Variants in VPS35L observed in about 807,000 individuals in gnomAD.
VPS35L encodes VPS35 endosomal protein sorting factor like.
In VPS35L, 83 loss-of-function variants were observed where a neutral mutation model predicts 133.0. The observed-to-expected ratio is 0.62, with a 90% CI of 0.52 to 0.75. VPS35L has a LOEUF of 0.75. VPS35L is among the 30% of genes least tolerant of loss of function. The probability of loss-of-function intolerance (pLI) is 0.00; values close to 1 mark genes in which losing one functional copy is unlikely to be tolerated. For synonymous variants in VPS35L, 423 were observed against 449.9 expected (o/e 0.94, Z 0.76); for missense variants, 1,083 against 1,206.8 (o/e 0.90, Z 1.52).
chr16:19,670,450 A>G (rs932488098), intron 27 of VPS35L, among the ~76,000 whole-genome samples: 6 of 152,196 alleles, frequency 3.9e-5, no homozygotes, highest in African/African-American at 1.2e-4. Flanking sequence ...TTCCTTGTCT[A>G]TAAAATGAGG....
intron 3 of VPS35L, among the ~76,000 whole-genome samples, chr16:19,570,870 TATATATATATATATATATA>T (rs1567388649): frequency 4.5e-4 from 38 of 85,370 alleles, no homozygotes; most frequent in African/African-American, 1.2e-3. Flanking sequence ...TATATATATA[TATATATATATATATATATA>T]TTTTTGAGAT....
chr16:19,648,974 G>T (rs1974041567), intron 24 of VPS35L, among the ~76,000 whole-genome samples: 1 of 150,170 alleles, frequency 6.7e-6, no homozygotes, highest in East Asian at 2.0e-4. Flanking sequence ...TAAATTGAAA[G>T]AAAAATAATA....
At position 19,597,459 on chromosome 16, in the gene VPS35L, A is replaced by G. The variant is rs139816100; in HGVS notation, c.725-4205A>G. On this transcript the variant is annotated intron_variant, in intron 8 of 30. Transcript: ENST00000417362. ...TAAGGAGACATTAAAATGATAGCCA[A>G]GAAACCGATAGAAATGGTTTCTCTC... is the stretch of plus-strand genomic sequence containing the variant. 5.0e-3 allele frequency among the ~76,000 whole-genome samples: 758 copies of G among 152,282 alleles called. 2 individuals are homozygous for G. The highest frequency in any genetic ancestry group is 0.017 in the African/African-American group (720 of 41,562).
intron 1 of VPS35L, among the ~76,000 whole-genome samples, chr16:19,560,846 A>T (rs1459398401): frequency 1.3e-5 from 2 of 151,424 alleles, no homozygotes; most frequent in Non-Finnish European, 1.5e-5. Flanking sequence ...GATGTTTTAA[A>T]CTCCATCTTG....
chr16:19,671,763 C>T (rs1361459204), intron 27 of VPS35L, among the ~76,000 whole-genome samples: 4 of 152,070 alleles, frequency 2.6e-5, no homozygotes, highest in Admixed American at 1.3e-4. Flanking sequence ...GGCAACAGAG[C>T]AAGACTCCAT....
Position 19,610,376 on chromosome 16 carries a change from C to A in VPS35L, c.984C>A (p.Asp328Glu). ...RLTCMIRGIG[D>E]PLVSVYARAY... ...CATGCATGATCAGAGGGATCGGAGA[C>A]CCACTAGTGTCGGTGTATGCCCGTG... is the stretch of plus-strand genomic sequence containing the variant. Residue 328 changes from aspartate (D) to glutamate (E), a missense_variant, in exon 12 of 31, where the codon GAC (aspartate) becomes GAA (glutamate). By Grantham distance (45) the Asp-to-Glu change is conservative. Transcript: ENST00000417362. 1.2e-6 allele frequency: 2 copies of A among 1,614,088 alleles called. No individual in the cohort carries two copies. The highest frequency in any genetic ancestry group is 1.7e-6 in the Non-Finnish European group (2 of 1,180,008).
intron 8 of VPS35L, among the ~76,000 whole-genome samples, chr16:19,599,024 C>A (rs1159444322): frequency 6.6e-6 from 1 of 151,512 alleles, no homozygotes; most frequent in Non-Finnish European, 1.5e-5. Context: ...ACAAGGGAGG[C>A]CTCTCTCTAC....
intron 2 of VPS35L, among the ~76,000 whole-genome samples, chr16:19,566,464 C>T (rs1971193615): frequency 6.6e-6 from 1 of 152,138 alleles, no homozygotes; most frequent in East Asian, 1.9e-4. Context: ...CCACTGCCCT[C>T]CATCCTGGGC....
At chr16:19,571,402 AG>A (rs1480509290) in intron 3 of VPS35L, among the ~76,000 whole-genome samples, 1 of 151,908 alleles carries the variant, frequency 6.6e-6, no homozygotes, top group Non-Finnish European at 1.5e-5. Context: ...TTTTTGGTAG[AG>A]TTGGGGTCTC....
chr16:19,618,233 A>G (rs548992982), intron 14 of VPS35L, among the ~76,000 whole-genome samples: 9 of 152,300 alleles, frequency 5.9e-5, no homozygotes, highest in East Asian at 1.9e-4. Flanking sequence ...GATCTTGCCA[A>G]CACATGTTGA....
chr16:19,581,680 A>T (rs773662550), intron 7 of VPS35L, 27 bp downstream of exon 7: 3 of 1,233,702 alleles, frequency 2.4e-6, no homozygotes, highest in African/African-American at 4.8e-5. Flanking sequence ...CCCCACCCCC[A>T]CCCAGAATTT....
At chr16:19,686,600 A>G (rs1250389282) in intron 28 of VPS35L, among the ~76,000 whole-genome samples, 1 of 152,110 alleles carries the variant, frequency 6.6e-6, no homozygotes, top group African/African-American at 2.4e-5. Flanking sequence ...ACAGATGCAG[A>G]GATTGTGGGC....
intron 6 of VPS35L, among the ~76,000 whole-genome samples, chr16:19,580,413 A>G (rs1971673180): frequency 6.6e-6 from 1 of 151,814 alleles, no homozygotes; most frequent in South Asian, 2.1e-4. Flanking sequence ...TGCCCAGCCT[A>G]CTCTTATTTC....
rs1345009571 is a variant in VPS35L, at chr16:19,608,168, T to A, written c.785-10T>A. The A allele has an allele frequency of 6.2e-7, 1 of 1,603,220 alleles. No individual in the cohort carries two copies. Among genetic ancestry groups the A allele is most frequent in the Non-Finnish European group, 8.5e-7 (1 of 1,170,246 alleles). ...AGGAGGGCTGATGGATCTTGTTTTT[T>A]GTATTACAGATCACTTTTCTCCAGA... On this transcript the variant is annotated splice_polypyrimidine_tract_variant and intron_variant, in intron 9 of 30. Transcript: ENST00000417362.
In VPS35L at chr16:19,627,681, C is replaced by A; in HGVS notation, c.1272-13C>A. On this transcript the variant is annotated splice_polypyrimidine_tract_variant and intron_variant, in intron 15 of 30. Coordinates refer to ENST00000417362, the MANE Select transcript of VPS35L (RefSeq NM_020314.7). ...GGAGAAGCCAGGCTGACTTGGGGAT[C>A]TGTGTCTTGCAGTGCCTTGCTGTTG... The A allele has an allele frequency of 1.3e-6, 2 of 1,593,646 alleles. No homozygotes were observed. Among genetic ancestry groups the A allele is most frequent in the African/African-American group, 2.7e-5 (2 of 74,582 alleles).
chr16:19,660,176 T>G (rs987530737), intron 26 of VPS35L, among the ~76,000 whole-genome samples: 2 of 151,854 alleles, frequency 1.3e-5, no homozygotes, highest in African/African-American at 4.8e-5. Flanking sequence ...AATACAAAAA[T>G]TAGCCGGGCG....
intron 25 of VPS35L, 78 bp downstream of exon 25, chr16:19,650,537 C>T: frequency 8.5e-7 from 1 of 1,182,524 alleles, no homozygotes; most frequent in Non-Finnish European, 1.3e-6. Context: ...AATTACATTT[C>T]CCAGAAAAAG....
intron 26 of VPS35L, among the ~76,000 whole-genome samples, chr16:19,653,929 G>A (rs138572463): frequency 6.6e-6 from 1 of 152,270 alleles, no homozygotes; most frequent in Non-Finnish European, 1.5e-5. Context: ...AGTAGCTTCT[G>A]AGTGCAGCTG....
rs755268523 is a variant in VPS35L, at chr16:19,691,476, G to T, written c.2646+5G>T. On this transcript the variant is annotated splice_donor_5th_base_variant and intron_variant, in intron 29 of 30. Coordinates refer to ENST00000417362, the MANE Select transcript of VPS35L (RefSeq NM_020314.7). ...AAAACCCTGGCCAAGGACGAGGTGGGTGCCCTCTGCTGTCCTCCACCCGCC... is the reference window on the plus strand; with the variant it reads ...AAAACCCTGGCCAAGGACGAGGTGGTTGCCCTCTGCTGTCCTCCACCCGCC... The T allele has an allele frequency of 6.2e-7, 1 of 1,608,946 alleles. No homozygotes were observed. The highest frequency in any genetic ancestry group is 1.7e-4 in the Middle Eastern group (1 of 6,052).
Sources: allele counts gnomAD v4.1 joint callset (sites outside exome capture counted in the v4.1 genomes callset), GRCh38; gene constraint gnomAD v4.1.1; transcripts MANE v1.5; gene names NCBI Gene and HGNC (gene_info 2026-07-23, HGNC 2026-07-21).